Variants in SHCBP1 observed in about 807,000 individuals in gnomAD.
SHCBP1 encodes SHC binding and spindle associated 1, also known as SHC SH2 domain-binding protein 1.
In SHCBP1, 60 loss-of-function variants were observed where a neutral mutation model predicts 75.1. That is an observed-to-expected ratio of 0.80 (90% CI 0.65 to 0.99). The LOEUF (loss-of-function observed/expected upper bound fraction) is 0.99. SHCBP1 is among the 50% of genes least tolerant of loss of function. SHCBP1 has a pLI of 0.00. For missense variants in SHCBP1, 709 were observed against 809.4 expected, an observed-to-expected ratio of 0.88 and a Z score of 1.50; for synonymous variants, 290 against 293.2, an observed-to-expected ratio of 0.99 and a Z score of 0.11.
chr16:46,587,480 G>T (rs1359172523), intron 10 of SHCBP1, among the ~76,000 whole-genome samples: 10 of 152,004 alleles, frequency 6.6e-5, no homozygotes, highest in Admixed American at 6.6e-4. Flanking sequence ...TTGCCAAAGT[G>T]GATTAAAAAC....
At chr16:46,596,670 A>T in intron 9 of SHCBP1, among the ~76,000 whole-genome samples, 1 of 150,264 alleles carries the variant, frequency 6.7e-6, no homozygotes, top group Middle Eastern at 3.6e-3. Flanking sequence ...CACCCGCCTC[A>T]GCCTCCCAAA....
chr16:46,611,391 A>G (rs1965414289), intron 4 of SHCBP1, among the ~76,000 whole-genome samples: 1 of 152,232 alleles, frequency 6.6e-6, no homozygotes, highest in Non-Finnish European at 1.5e-5. Context: ...TATGTTTGTC[A>G]TTGTTTTGAA....
chr16:46,601,656 T>A (rs1349451464), intron 8 of SHCBP1, among the ~76,000 whole-genome samples: 1 of 152,224 alleles, frequency 6.6e-6, no homozygotes, highest in Non-Finnish European at 1.5e-5. Context: ...GATGCCTGAA[T>A]TATGAGTGAT....
Position 46,592,158 on chromosome 16 carries a change from T to C in SHCBP1, c.1464+3394A>G, listed in dbSNP as rs113600738. ...ATCTAAAAAAAGAACATAAGTGAAA[T>C]TGAAAACAGAACAATTATCAAAAAG... On this transcript the variant is annotated intron_variant, in intron 10 of 12. Transcript: ENST00000303383. 3.3e-5 allele frequency among the ~76,000 whole-genome samples: 5 copies of C among 151,712 alleles called. 1 individual carries two copies. Among genetic ancestry groups the C allele is most frequent in the South Asian group, 4.2e-4 (2 of 4,806 alleles).
At chr16:46,588,584 A>C (rs1050390658) in intron 10 of SHCBP1, among the ~76,000 whole-genome samples, 3 of 152,212 alleles carry the variant, frequency 2.0e-5, no homozygotes, top group African/African-American at 7.2e-5. Flanking sequence ...GAAATGGATA[A>C]ATTCCTCAAC....
At chr16:46,619,791 T>C (rs996924310) in intron 1 of SHCBP1, among the ~76,000 whole-genome samples, 3 of 152,250 alleles carry the variant, frequency 2.0e-5, no homozygotes, top group East Asian at 3.9e-4. Context: ...TCTCAGCACT[T>C]TGGGAGGCCG....
intron 10 of SHCBP1, among the ~76,000 whole-genome samples, chr16:46,584,485 G>A (rs552675490): frequency 6.6e-6 from 1 of 152,184 alleles, no homozygotes; most frequent in Non-Finnish European, 1.5e-5. Context: ...CAATTAGTTG[G>A]AGATAAGTAT....
Position 46,604,302 on chromosome 16 carries a change from C to T in SHCBP1, c.849G>A (p.Val283=), listed in dbSNP as rs1321567935. Residue 283 remains valine, a synonymous_variant, in exon 6 of 13, where the codon GTG becomes GTA. Transcript: ENST00000303383. ...SDSEQENISM[V]EGLKLYSEME... is the part of the protein sequence containing the mutation. ...TCTCCGAATACAATTTTAACCCTTC[C>T]ACCATGGAGATATTTTCCTGCTCGG... The T allele has an allele frequency of 1.9e-6, 3 of 1,614,104 alleles. No homozygotes were observed. Among genetic ancestry groups the T allele is most frequent in the South Asian group, 1.1e-5 (1 of 91,090 alleles).
intron 9 of SHCBP1, 26 bp downstream of exon 9, chr16:46,599,805 G>T: frequency 1.3e-6 from 2 of 1,558,616 alleles, no homozygotes; most frequent in East Asian, 2.4e-5. Context: ...TAGAACAAAT[G>T]ATATACCAAA....
At chr16:46,592,490 G>A (rs1965062617) in intron 10 of SHCBP1, among the ~76,000 whole-genome samples, 1 of 152,116 alleles carries the variant, frequency 6.6e-6, no homozygotes, top group Non-Finnish European at 1.5e-5. Context: ...TCCGGGCCCA[G>A]GTGATTGCAT....
At chr16:46,586,459 G>T (rs1355602781) in intron 10 of SHCBP1, among the ~76,000 whole-genome samples, 2 of 152,054 alleles carry the variant, frequency 1.3e-5, no homozygotes, top group South Asian at 2.1e-4. Flanking sequence ...GAGCTCCAGG[G>T]GTCTGCTGGA....
intron 8 of SHCBP1, among the ~76,000 whole-genome samples, chr16:46,601,966 A>G (rs1172863372): frequency 6.6e-6 from 1 of 152,232 alleles, no homozygotes; most frequent in Non-Finnish European, 1.5e-5. Flanking sequence ...GATCACTATC[A>G]GATGAGCTTG....
chr16:46,584,575 C>A (rs1964927741), intron 10 of SHCBP1, among the ~76,000 whole-genome samples: 1 of 152,064 alleles, frequency 6.6e-6, no homozygotes, highest in Non-Finnish European at 1.5e-5. Context: ...TTAAAATACC[C>A]CAACCCAACT....
chr16:46,605,988 A>T (rs1407234408), intron 5 of SHCBP1, among the ~76,000 whole-genome samples: 1 of 152,076 alleles, frequency 6.6e-6, no homozygotes, highest in African/African-American at 2.4e-5. Context: ...AAAACAAAAA[A>T]ATTTAAAAAT....
chr16:46,587,425 C>T (rs1464999623), intron 10 of SHCBP1, among the ~76,000 whole-genome samples: 2 of 151,974 alleles, frequency 1.3e-5, no homozygotes, highest in African/African-American at 4.8e-5. Context: ...GATTTAATAT[C>T]AATAATTAAA....
chr16:46,602,641 A>AT (rs1402389937), intron 8 of SHCBP1, among the ~76,000 whole-genome samples: 3 of 151,888 alleles, frequency 2.0e-5, no homozygotes, highest in Non-Finnish European at 4.4e-5. Context: ...TGAAAAAGTT[A>AT]TTTTTTTTAG....
At chr16:46,584,937 T>A in intron 10 of SHCBP1, among the ~76,000 whole-genome samples, 1 of 152,192 alleles carries the variant, frequency 6.6e-6, no homozygotes, top group South Asian at 2.1e-4. Flanking sequence ...TAGTATTCCA[T>A]GAGAAAACAT....
At chr16:46,588,274 GA>G (rs1406285768) in intron 10 of SHCBP1, among the ~76,000 whole-genome samples, 2 of 152,094 alleles carry the variant, frequency 1.3e-5, no homozygotes, top group Non-Finnish European at 2.9e-5. Context: ...AGAAGCAAGA[GA>G]AAGCACATTC....
At chr16:46,594,844 A>G (rs1965110005) in intron 10 of SHCBP1, among the ~76,000 whole-genome samples, 1 of 152,220 alleles carries the variant, frequency 6.6e-6, no homozygotes, top group African/African-American at 2.4e-5. Flanking sequence ...GACAATCTAG[A>G]CATCCTTCCA....
Sources: allele counts gnomAD v4.1 joint callset (sites outside exome capture counted in the v4.1 genomes callset), GRCh38; gene constraint gnomAD v4.1.1; transcripts MANE v1.5; gene names NCBI Gene and HGNC (gene_info 2026-07-23, HGNC 2026-07-21).